Variants in CACNB2 observed in about 807,000 individuals in gnomAD.
CACNB2 encodes the protein calcium voltage-gated channel auxiliary subunit beta 2, also known as voltage-dependent L-type calcium channel subunit beta-2.
In CACNB2, 42 loss-of-function variants were observed where a neutral mutation model predicts 73.3. The ratio of observed to expected loss-of-function variants is 0.57; its 90% CI spans 0.45 to 0.74. The LOEUF (loss-of-function observed/expected upper bound fraction) is 0.74, where lower values mean the gene tolerates loss of function less well. Ranked by LOEUF, CACNB2 falls within the 30% of genes least tolerant of loss-of-function variation. The pLI is 0.00. For synonymous variants in CACNB2, 348 were observed against 310.3 expected, an observed-to-expected ratio of 1.12 and a Z score of -1.28; for missense variants, 940 against 853.0, an observed-to-expected ratio of 1.10 and a Z score of -1.27.
At chr10:18,295,574 G>A (rs1200409654) in intron 2 of CACNB2, among the ~76,000 whole-genome samples, 1 of 152,060 alleles carries the variant, frequency 6.6e-6, no homozygotes, top group Non-Finnish European at 1.5e-5. Flanking sequence ...ACATTTCATT[G>A]GTTGTTCTTA....
chr10:18,258,107 A>G (rs1269261452), intron 2 of CACNB2, among the ~76,000 whole-genome samples: 2 of 152,334 alleles, frequency 1.3e-5, no homozygotes, highest in East Asian at 3.9e-4. Context: ...TCATATCCCC[A>G]GCACCTTAGC....
chr10:18,307,983 C>CTTGTTTTTTTTTTTTTTTT (rs2039803586), intron 2 of CACNB2, among the ~76,000 whole-genome samples: 1 of 70,268 alleles, frequency 1.4e-5, no homozygotes, highest in Non-Finnish European at 2.7e-5. Flanking sequence ...TATATGCCAA[C>CTTGTTTTTTTTTTTTTTTT]TTTTTTTTTT....
At chr10:18,209,769 A>G (rs193128621) in intron 2 of CACNB2, among the ~76,000 whole-genome samples, 1 of 152,258 alleles carries the variant, frequency 6.6e-6, no homozygotes, top group Non-Finnish European at 1.5e-5. Context: ...TTCTAAAATT[A>G]TTGATTGTCT....
At chr10:18,449,097 G>C (rs1206068751) in intron 3 of CACNB2, among the ~76,000 whole-genome samples, 1 of 152,146 alleles carries the variant, frequency 6.6e-6, no homozygotes, top group Non-Finnish European at 1.5e-5. Flanking sequence ...GCTAAAACGA[G>C]AACGTGCCCA....
intron 2 of CACNB2, among the ~76,000 whole-genome samples, chr10:18,245,345 G>T (rs1287307412): frequency 6.6e-6 from 1 of 152,106 alleles, no homozygotes; most frequent in Non-Finnish European, 1.5e-5. Flanking sequence ...TCGAGACAGG[G>T]TCTCACTCCG....
chr10:18,203,316 AG>A (rs1251827805), intron 2 of CACNB2, among the ~76,000 whole-genome samples: 2 of 152,196 alleles, frequency 1.3e-5, no homozygotes, highest in African/African-American at 2.4e-5. Context: ...CGGGCAGGTT[AG>A]CATGGATGCT....
intron 3 of CACNB2, among the ~76,000 whole-genome samples, chr10:18,432,612 T>C (rs1283384255): frequency 6.6e-6 from 1 of 152,142 alleles, no homozygotes; most frequent in African/African-American, 2.4e-5. Context: ...GGCAAGCAGA[T>C]TGCTTGAGCT....
chr10:18,192,168 T>A (rs1039623006), intron 2 of CACNB2, among the ~76,000 whole-genome samples: 2 of 152,034 alleles, frequency 1.3e-5, no homozygotes. Flanking sequence ...CAGTCTGTTG[T>A]TTGGTATAGC....
chr10:18,530,888 G>C (rs565643396), intron 10 of CACNB2, among the ~76,000 whole-genome samples: 2 of 152,148 alleles, frequency 1.3e-5, no homozygotes, highest in South Asian at 2.1e-4. Flanking sequence ...TCTATGAAGC[G>C]ATGACGCTTC....
intron 3 of CACNB2, among the ~76,000 whole-genome samples, chr10:18,404,567 C>T (rs1222049305): frequency 2.0e-5 from 3 of 152,258 alleles, no homozygotes; most frequent in East Asian, 3.9e-4. Flanking sequence ...TCGTAACCAT[C>T]GAAGCATCTC....
chr10:18,524,145 T>C (rs2052202460), intron 9 of CACNB2, among the ~76,000 whole-genome samples: 1 of 151,834 alleles, frequency 6.6e-6, no homozygotes, highest in South Asian at 2.1e-4. Context: ...TGTAGGATGG[T>C]GACAGGTAAA....
Position 18,150,880 on chromosome 10 carries a change from T to TTTTTTTTTTTTTTTTTTTTTTTTG in CACNB2, c.121-3_121-2insTTTTTTTTTTTTTTTTTTTTTTTG, listed in dbSNP as rs2031492352. ...CTTTTTTTTTTTTTTTTTTTTTTTT[T>TTTTTTTTTTTTTTTTTTTTTTTTG]AGTCATATGGAAAAGGAGCCAGAAG... is the stretch of plus-strand genomic sequence containing the variant. On this transcript the variant is annotated splice_region_variant and splice_polypyrimidine_tract_variant and intron_variant, in intron 1 of 13. Transcript: ENST00000324631. 1 of 1,299,470 alleles carries TTTTTTTTTTTTTTTTTTTTTTTTG rather than the reference T, an allele frequency of 7.7e-7. No homozygotes were observed. Among genetic ancestry groups the TTTTTTTTTTTTTTTTTTTTTTTTG allele is most frequent in the African/African-American group, 1.7e-5 (1 of 59,268 alleles). 80.5% of individuals were successfully genotyped at this position (1,299,470 alleles called of 1,614,324 possible).
chr10:18,357,962 C>G (rs1244786006), intron 2 of CACNB2, among the ~76,000 whole-genome samples: 2 of 152,198 alleles, frequency 1.3e-5, no homozygotes, highest in Non-Finnish European at 2.9e-5. Context: ...TTTGCCTCAT[C>G]TACTATACAA....
At chr10:18,174,284 TTC>T (rs1222166152) in intron 2 of CACNB2, among the ~76,000 whole-genome samples, 2 of 134,256 alleles carry the variant, frequency 1.5e-5, no homozygotes, top group Non-Finnish European at 3.2e-5. Context: ...CTCTCTCTCT[TTC>T]TCTCTTTTCC....
In CACNB2 at chr10:18,224,468, A is replaced by T. The variant is rs115927217; in HGVS notation, c.213+73493A>T. The T allele has an allele frequency of 2.6e-3, 403 of 152,326 alleles. 1 individual carries two copies. Among genetic ancestry groups the T allele is most frequent in the African/African-American group, 9.0e-3 (376 of 41,580 alleles). The allele number at this position is 152,326 out of a possible 1,614,324, so 9.4% of individuals were successfully genotyped here. A position where few individuals can be genotyped will look rare whatever the true frequency, so the allele number is the denominator to read the frequency against. ...TGAAGAAAATTACCCGGCTCCTTAA[A>T]GTTCCTCATTTTGTAGCTACTTTAT... On this transcript the variant is annotated intron_variant, in intron 2 of 13. Transcript: ENST00000324631.
At chr10:18,424,083 A>T (rs2045472317) in intron 3 of CACNB2, among the ~76,000 whole-genome samples, 1 of 152,172 alleles carries the variant, frequency 6.6e-6, no homozygotes, top group Admixed American at 6.5e-5. Flanking sequence ...ACAGATACAG[A>T]GTGTCACTAA....
intron 2 of CACNB2, among the ~76,000 whole-genome samples, chr10:18,178,175 C>T (rs759026272): frequency 1.2e-4 from 18 of 152,058 alleles, no homozygotes; most frequent in Admixed American, 9.2e-4. Flanking sequence ...GAGTATGATG[C>T]GACTTTATCA....
chr10:18,371,608 G>T (rs1380764594), intron 2 of CACNB2, among the ~76,000 whole-genome samples: 1 of 152,134 alleles, frequency 6.6e-6, no homozygotes, highest in Non-Finnish European at 1.5e-5. Flanking sequence ...ATCATTGTTG[G>T]ACATTTGGGT....
intron 2 of CACNB2, among the ~76,000 whole-genome samples, chr10:18,295,209 T>C (rs2039227169): frequency 1.3e-5 from 2 of 152,222 alleles, no homozygotes; most frequent in South Asian, 2.1e-4. Flanking sequence ...TAACAATGCA[T>C]ACTTTTTGTT....
Sources: gnomAD v4.1 joint callset for allele counts (sites outside exome capture counted in the v4.1 genomes callset) on GRCh38, gnomAD v4.1.1 for gene constraint, MANE v1.5 for transcripts, NCBI Gene and HGNC (gene_info 2026-07-23, HGNC 2026-07-21) for gene names.